MFF: variants seen among roughly 807,000 people sequenced by gnomAD.
MFF encodes the protein chromosome 2 open reading frame 33.
Under a neutral mutation model 36.9 loss-of-function variants are expected in MFF, and 12 were observed. The observed-to-expected ratio is 0.33, with a 90% CI of 0.21 to 0.53. The LOEUF is 0.53. Among genes scored for constraint, MFF ranks in the 20% least tolerant of loss-of-function variants. MFF has a pLI of 0.95. For missense variants in MFF, 348 were observed against 366.6 expected, an observed-to-expected ratio of 0.95 and a Z score of 0.42; for synonymous variants, 99 against 126.2, an observed-to-expected ratio of 0.78 and a Z score of 1.44.
intron 5 of MFF, 39 bp from the exon 6 acceptor site, chr2:227,347,187 G>A (rs201347705): frequency 2.6e-5 from 41 of 1,583,354 alleles, no homozygotes; most frequent in Middle Eastern, 3.4e-4. Flanking sequence ...AATCTGACTT[G>A]AGTGTTTTTC....
At position 227,340,373 on chromosome 2, in the gene MFF, G is replaced by C. The variant is rs746521498; in HGVS notation, c.433G>C (p.Asp145His). The C allele has an allele frequency of 2.5e-6, 4 of 1,612,664 alleles. No homozygotes were observed. The highest frequency in any genetic ancestry group is 3.4e-6 in the Non-Finnish European group (4 of 1,178,778). ...VRQNGQLVRN[D>H]SLVTPSPQQA... ...CCAAAATGGACAGCTGGTCAGAAAT[G>C]ATTCTCTGTGAGTAGAAGCACTAGC... Residue 145 changes from aspartate to histidine, a missense_variant, in exon 5 of 9, where the codon GAT becomes CAT. Asp to His is a moderately conservative substitution (Grantham distance 81, BLOSUM62 -1). Coordinates refer to ENST00000304593, the MANE Select transcript of MFF (RefSeq NM_001277062.2).
chr2:227,327,650 AT>A (rs2074258000), intron 1 of MFF, among the ~76,000 whole-genome samples: 1 of 152,208 alleles, frequency 6.6e-6, no homozygotes, highest in Admixed American at 6.5e-5. Flanking sequence ...AGATGTTGCT[AT>A]AGAATGGAAT....
intron 4 of MFF, among the ~76,000 whole-genome samples, chr2:227,335,943 A>G (rs2106373311): frequency 6.6e-6 from 1 of 152,356 alleles, no homozygotes; most frequent in Non-Finnish European, 1.5e-5. Flanking sequence ...TCAATAAACC[A>G]TGTGATCTGG....
chr2:227,327,779 C>T (rs1048309240), intron 1 of MFF, among the ~76,000 whole-genome samples: 7 of 152,258 alleles, frequency 4.6e-5, no homozygotes, highest in East Asian at 1.9e-4. Context: ...ACTTGGTTCT[C>T]GTTTATTATT....
At position 227,356,967 on chromosome 2, in the gene MFF, G is replaced by T. The variant is rs756375731; in HGVS notation, c.745-19G>T. ...AAAGCCTCTATATTATATTTTTTGTGTGTTTGTTTTTCACTTAGATAATCA... is the reference window on the plus strand; with the variant it reads ...AAAGCCTCTATATTATATTTTTTGTTTGTTTGTTTTTCACTTAGATAATCA... On this transcript the variant is annotated intron_variant, in intron 8 of 8. Transcript: ENST00000304593. 1.9e-6 allele frequency: 3 copies of T among 1,564,426 alleles called. No homozygotes were observed. The Admixed American group carries it at 5.2e-5, about 27-fold the overall frequency.
In MFF at chr2:227,357,647, T is replaced by C. The variant is rs938207218; in HGVS notation, c.*530T>C. On this transcript the variant is annotated 3_prime_UTR_variant, in exon 9 of 9. Coordinates refer to ENST00000304593, the MANE Select transcript of MFF (RefSeq NM_001277062.2). The stretch of plus-strand genomic sequence containing the variant: ...ATATTTCATAACCTTCTTCATTAGG[T>C]ACTTGTACAGATTAATTTCTAACAT... 2 of 152,776 alleles carry C rather than the reference T, an allele frequency of 1.3e-5. No homozygotes were observed. Among genetic ancestry groups the C allele is most frequent in the Non-Finnish European group, 2.9e-5 (2 of 68,362 alleles). The allele number at this position is 152,776 out of a possible 1,614,324, so 9.5% of individuals were successfully genotyped here.
intron 6 of MFF, among the ~76,000 whole-genome samples, chr2:227,348,272 T>TG (rs2075815324): frequency 6.6e-6 from 1 of 152,222 alleles, no homozygotes; most frequent in South Asian, 2.1e-4. Context: ...ACTTCTGACT[T>TG]GCACTGGACA....
chr2:227,349,357 T>C (rs899587668), intron 6 of MFF, among the ~76,000 whole-genome samples: 1 of 152,104 alleles, frequency 6.6e-6, no homozygotes, highest in Non-Finnish European at 1.5e-5. Flanking sequence ...TGTATTTTTT[T>C]AATAATGAAA....
intron 1 of MFF, among the ~76,000 whole-genome samples, chr2:227,326,130 C>T (rs1181126412): frequency 6.6e-6 from 1 of 151,922 alleles, no homozygotes; most frequent in African/African-American, 2.4e-5. Context: ...AAAGAACACC[C>T]CTGTCTACCT....
At chr2:227,342,806 G>T in intron 5 of MFF, 1 of 1,613,442 alleles carries the variant, frequency 6.2e-7, no homozygotes. Flanking sequence ...ACCGATTTCT[G>T]CACCGGAGTA....
At chr2:227,338,731 G>A (rs1050102446) in intron 4 of MFF, among the ~76,000 whole-genome samples, 3 of 151,562 alleles carry the variant, frequency 2.0e-5, no homozygotes, top group Admixed American at 6.6e-5. Context: ...TCAGGATGCC[G>A]AGGCAGGAGA....
At chr2:227,334,526 A>T (rs573877608) in intron 4 of MFF, among the ~76,000 whole-genome samples, 79 of 152,310 alleles carry the variant, frequency 5.2e-4, no homozygotes, top group African/African-American at 1.9e-3. Flanking sequence ...TTGATGATTC[A>T]TTCAGGTGTT....
At chr2:227,333,932 G>T (rs2074793247) in intron 4 of MFF, among the ~76,000 whole-genome samples, 1 of 152,184 alleles carries the variant, frequency 6.6e-6, no homozygotes, top group Non-Finnish European at 1.5e-5. Flanking sequence ...AGTTTGCCGG[G>T]ATTTCCCTCA....
intron 4 of MFF, among the ~76,000 whole-genome samples, chr2:227,335,845 C>G (rs768065471): frequency 2.0e-4 from 30 of 152,164 alleles, no homozygotes; most frequent in East Asian, 1.9e-4. Context: ...TTTCAATATG[C>G]CTAATCTCCA....
Position 227,352,542 on chromosome 2 carries a change from G to A in MFF, c.628G>A (p.Ala210Thr), listed in dbSNP as rs771252747. The change falls in exon 7 of 9, where the codon GCC becomes ACC. Residue 210 changes from alanine (A) to threonine (T), a missense_variant. Transcript: ENST00000304593. Reference sequence around the variant, plus strand: ...TGTGTTGCGTGGTGGGTCTGCTGCCGCCACTTCTAATCCTCATCATGACAA... The same window carrying A: ...TGTGTTGCGTGGTGGGTCTGCTGCCACCACTTCTAATCCTCATCATGACAA... ...RPVLRGGSAA[A>T]TSNPHHDNVR... 23 of 1,613,598 alleles carry A rather than the reference G, an allele frequency of 1.4e-5. No individual in the cohort carries two copies. In the Middle Eastern group the frequency reaches 4.9e-4, roughly 35 times the overall value.
rs149746933 is a variant in MFF, at chr2:227,337,194, T to C, written c.352-3098T>C. On this transcript the variant is annotated intron_variant, in intron 4 of 8. Coordinates refer to ENST00000304593, the MANE Select transcript of MFF (RefSeq NM_001277062.2). Reference sequence around the variant, plus strand: ...TTGTACAGCTACAGTTTTATGGCCCTCTTAGCACAAGCATGGTCTCGTCAC... The same window carrying C: ...TTGTACAGCTACAGTTTTATGGCCCCCTTAGCACAAGCATGGTCTCGTCAC... 1.3e-3 allele frequency among the ~76,000 whole-genome samples: 192 copies of C among 152,378 alleles called. 3 individuals are homozygous for C. The highest frequency in any genetic ancestry group is 4.4e-3 in the African/African-American group (181 of 41,598).
At chr2:227,325,580 C>G (rs1437320135) in intron 1 of MFF, 153 bp downstream of exon 1, 1 of 152,310 alleles carries the variant, frequency 6.6e-6, no homozygotes, top group Non-Finnish European at 1.5e-5. Flanking sequence ...CCCCGGGCCT[C>G]TTGCCTTCAA....
chr2:227,350,376 T>A (rs1307338495), intron 6 of MFF, among the ~76,000 whole-genome samples: 1 of 152,114 alleles, frequency 6.6e-6, no homozygotes, highest in Non-Finnish European at 1.5e-5. Flanking sequence ...GAAACTTAGT[T>A]CCTGTGTAAG....
At position 227,352,542 on chromosome 2, in the gene MFF, G is replaced by T; in HGVS notation, c.628G>T (p.Ala210Ser). ...RPVLRGGSAA[A>S]TSNPHHDNVR... ...TGTGTTGCGTGGTGGGTCTGCTGCC[G>T]CCACTTCTAATCCTCATCATGACAA... is the stretch of plus-strand genomic sequence containing the variant. The change falls in exon 7 of 9, where the codon GCC (alanine) becomes TCC (serine). Residue 210 changes from alanine to serine, a missense_variant. Physicochemically the swap from Ala to Ser is moderately conservative, Grantham distance 99 (BLOSUM62 1). Transcript: ENST00000304593. 1 of 1,613,718 alleles carries T rather than the reference G, an allele frequency of 6.2e-7. No homozygotes were observed. Among genetic ancestry groups the T allele is most frequent in the South Asian group, 1.1e-5 (1 of 91,078 alleles).
Sources: gnomAD v4.1 joint callset for allele counts (sites outside exome capture counted in the v4.1 genomes callset) on GRCh38, gnomAD v4.1.1 for gene constraint, MANE v1.5 for transcripts, NCBI Gene and HGNC (gene_info 2026-07-23, HGNC 2026-07-21) for gene names.